Variants in POT1 observed in about 807,000 individuals in gnomAD.
POT1 encodes the protein protection of telomeres 1.
POT1 carries 47 observed loss-of-function variants against 78.5 expected under a neutral mutation model. The observed-to-expected ratio is 0.60, with a 90% confidence interval of 0.47 to 0.76. POT1 has a LOEUF of 0.76. POT1 is among the 30% of genes least tolerant of loss of function. The pLI is 0.00. For synonymous variants in POT1, 259 were observed against 260.7 expected (o/e 0.99, Z 0.06); for missense variants, 646 against 749.9 (o/e 0.86, Z 1.62).
chr7:124,910,370 C>G (rs1796862534), intron 3 of POT1, among the ~76,000 whole-genome samples: 1 of 151,906 alleles, frequency 6.6e-6, no homozygotes, highest in Non-Finnish European at 1.5e-5. Context: ...TATTCTAAGT[C>G]CTTTAACAAA....
In POT1 at chr7:124,824,172, A is replaced by T. The variant is rs35233302; in HGVS notation, c.1793-98T>A. 69 of 679,688 alleles carry T rather than the reference A, an allele frequency of 1.0e-4. No homozygotes were observed. The African/African-American group carries it at 1.2e-3, about 12-fold the overall frequency. 42.1% of individuals were successfully genotyped at this position (679,688 alleles called of 1,614,324 possible). ...GCTTACCACTGAGCTAGAAAAATTA[A>T]CATTTATTTTGGCTTGAAAAGTAAG... On this transcript the variant is annotated intron_variant, in intron 18 of 18. Coordinates refer to ENST00000357628, the MANE Select transcript of POT1 (RefSeq NM_015450.3).
chr7:124,863,707 AC>A, intron 7 of POT1, 67 bp from the exon 8 acceptor site: 1 of 1,201,408 alleles, frequency 8.3e-7, no homozygotes, highest in African/African-American at 1.5e-5. Flanking sequence ...CAACCTACGA[AC>A]CAAAGAAACT....
In POT1 at chr7:124,826,148, T is replaced by A. The variant is rs540698662; in HGVS notation, c.1687-791A>T. 2.6e-5 allele frequency among the ~76,000 whole-genome samples: 4 copies of A among 152,272 alleles called. 1 individual carries two copies. The South Asian group carries it at 8.3e-4, about 32-fold the overall frequency. ...AGACTATGATCAGCCATATGGGCAG[T>A]CAACCATACCTACGTGATAGAGTCC... On this transcript the variant is annotated intron_variant, in intron 17 of 18. Coordinates refer to ENST00000357628, the MANE Select transcript of POT1 (RefSeq NM_015450.3).
intron 6 of POT1, among the ~76,000 whole-genome samples, chr7:124,891,417 T>C (rs1249240805): frequency 6.6e-6 from 1 of 151,578 alleles, no homozygotes; most frequent in African/African-American, 2.4e-5. Context: ...AAATCTAAGG[T>C]GAGTTTTTGT....
intron 7 of POT1, among the ~76,000 whole-genome samples, chr7:124,864,313 T>G (rs1468203344): frequency 2.0e-5 from 3 of 152,184 alleles, no homozygotes; most frequent in African/African-American, 7.2e-5. Context: ...GTTTAGGTCT[T>G]CATATTTAAA....
At chr7:124,900,904 C>A in intron 3 of POT1, 2 of 321,614 alleles carry the variant, frequency 6.2e-6, no homozygotes, top group South Asian at 2.5e-5. Flanking sequence ...TCATTGCTGG[C>A]ACAGCAGTCC....
intron 7 of POT1, among the ~76,000 whole-genome samples, chr7:124,865,245 C>T (rs2116547805): frequency 1.3e-5 from 2 of 152,120 alleles, no homozygotes; most frequent in South Asian, 4.1e-4. Context: ...TTCTCTTTCT[C>T]AATGGTTTCA....
chr7:124,920,694 C>T (rs1331628911), intron 2 of POT1, among the ~76,000 whole-genome samples: 1 of 152,000 alleles, frequency 6.6e-6, no homozygotes, highest in Non-Finnish European at 1.5e-5. Flanking sequence ...GAGCATTCTA[C>T]ATAACAATCT....
At chr7:124,830,204 T>A (rs1458707081) in intron 15 of POT1, among the ~76,000 whole-genome samples, 2 of 152,222 alleles carry the variant, frequency 1.3e-5, no homozygotes, top group Non-Finnish European at 2.9e-5. Flanking sequence ...ACTAAAGTTG[T>A]GCATTGTGTA....
At chr7:124,838,508 G>C (rs190793797) in intron 14 of POT1, among the ~76,000 whole-genome samples, 108 of 152,142 alleles carry the variant, frequency 7.1e-4, no homozygotes, top group African/African-American at 2.5e-3. Flanking sequence ...CCTAGTTAAA[G>C]GGATCTAAGA....
intron 2 of POT1, among the ~76,000 whole-genome samples, chr7:124,915,974 A>G (rs554817445): frequency 2.0e-4 from 31 of 152,278 alleles, no homozygotes; most frequent in African/African-American, 7.2e-4. Flanking sequence ...CAAAACAATA[A>G]AATGATGTTT....
chr7:124,907,373 G>A (rs183359780), intron 3 of POT1, among the ~76,000 whole-genome samples: 3 of 152,076 alleles, frequency 2.0e-5, no homozygotes, highest in East Asian at 3.9e-4. Flanking sequence ...AATGAAGTCA[G>A]TAAAGGTCTT....
At chr7:124,919,569 T>A (rs1187162611) in intron 2 of POT1, among the ~76,000 whole-genome samples, 1 of 151,980 alleles carries the variant, frequency 6.6e-6, no homozygotes, top group East Asian at 1.9e-4. Flanking sequence ...CTGACTGGTA[T>A]CCCCAAAAGA....
rs1259174908 is a variant in POT1, at chr7:124,823,091, T to G, written c.*871A>C. On this transcript the variant is annotated 3_prime_UTR_variant, in exon 19 of 19. Coordinates refer to ENST00000357628, the MANE Select transcript of POT1 (RefSeq NM_015450.3). ...GCTTATCAATCAAGCCTCAGATTTC[T>G]TATCGGAAAAATAGGTTGCTGTGAG... 6.5e-6 allele frequency: 1 copy of G among 153,358 alleles called. No homozygotes were observed. The highest frequency in any genetic ancestry group is 1.5e-5 in the Non-Finnish European group (1 of 68,756). The allele number at this position is 153,358 out of a possible 1,614,324, so 9.5% of individuals were successfully genotyped here. A position where few individuals can be genotyped will look rare whatever the true frequency, so the allele number is the denominator to read the frequency against.
At chr7:124,883,814 A>T (rs1037471728) in intron 6 of POT1, among the ~76,000 whole-genome samples, 4 of 151,102 alleles carry the variant, frequency 2.6e-5, no homozygotes, top group South Asian at 2.1e-4. Flanking sequence ...ATTTTCAATT[A>T]AAAAAAATTG....
intron 12 of POT1, among the ~76,000 whole-genome samples, chr7:124,844,724 C>T (rs60924634): frequency 1.0e-5 from 1 of 99,114 alleles, no homozygotes; most frequent in South Asian, 3.8e-4. Flanking sequence ...GACAGCGAGA[C>T]TCCGCCTCAA....
intron 14 of POT1, among the ~76,000 whole-genome samples, chr7:124,835,709 A>G (rs901443660): frequency 6.6e-6 from 1 of 152,190 alleles, no homozygotes; most frequent in Admixed American, 6.5e-5. Flanking sequence ...TCAAATAACC[A>G]AAAGAGGGAA....
At chr7:124,906,130 C>T (rs1584518459) in intron 3 of POT1, among the ~76,000 whole-genome samples, 1 of 152,182 alleles carries the variant, frequency 6.6e-6, no homozygotes, top group South Asian at 2.1e-4. Flanking sequence ...CCAGCCATCC[C>T]ATTACTGGGT....
chr7:124,825,447 T>C, intron 17 of POT1, 90 bp from the exon 18 acceptor site: 1 of 772,330 alleles, frequency 1.3e-6, no homozygotes, highest in Non-Finnish European at 2.0e-6. Flanking sequence ...ATTGTCCAAT[T>C]AAAAGATAAT....
Sources: allele counts gnomAD v4.1 joint callset (sites outside exome capture counted in the v4.1 genomes callset), GRCh38; gene constraint gnomAD v4.1.1; transcripts MANE v1.5; gene names NCBI Gene and HGNC (gene_info 2026-07-23, HGNC 2026-07-21).